Variants in LOXHD1 observed in about 807,000 individuals in gnomAD.
LOXHD1 encodes the protein lipoxygenase homology PLAT domains 1.
In LOXHD1, 205 loss-of-function variants were observed where a neutral mutation model predicts 248.2. That is an observed-to-expected ratio of 0.83 (90% CI 0.74 to 0.93). LOXHD1 has a LOEUF of 0.93. Ranked by LOEUF, LOXHD1 falls within the 40% of genes least tolerant of loss-of-function variation. The pLI, the probability that LOXHD1 is intolerant of heterozygous loss-of-function variation, is 0.00. For missense variants in LOXHD1, 2,930 were observed against 2,971.6 expected (o/e 0.99, Z 0.33); for synonymous variants, 1,113 against 1,162.8 (o/e 0.96, Z 0.87).
At chr18:46,626,516 C>T (rs1436988450) in intron 4 of LOXHD1, among the ~76,000 whole-genome samples, 1 of 151,906 alleles carries the variant, frequency 6.6e-6, no homozygotes, top group African/African-American at 2.4e-5. Flanking sequence ...CCAGCCTGGG[C>T]AACAGAGTGA....
intron 8 of LOXHD1, among the ~76,000 whole-genome samples, chr18:46,599,503 AG>A (rs1300535978): frequency 6.6e-6 from 1 of 152,152 alleles, no homozygotes; most frequent in Admixed American, 6.5e-5. Flanking sequence ...TTTTTAGAAA[AG>A]GATATAGGAG....
chr18:46,628,388 C>A (rs548528362), intron 4 of LOXHD1, among the ~76,000 whole-genome samples: 25 of 152,276 alleles, frequency 1.6e-4, no homozygotes, highest in Admixed American at 4.6e-4. Context: ...ACCCTGGAGT[C>A]CTTGCCCCCA....
At chr18:46,550,322 C>A (rs1319611634) in intron 21 of LOXHD1, among the ~76,000 whole-genome samples, 4 of 152,026 alleles carry the variant, frequency 2.6e-5, no homozygotes, top group Non-Finnish European at 5.9e-5. Flanking sequence ...GCCAGTAATC[C>A]CAGCACTTTG....
chr18:46,622,608 C>G (rs1200951188), intron 4 of LOXHD1, among the ~76,000 whole-genome samples: 1 of 152,182 alleles, frequency 6.6e-6, no homozygotes, highest in East Asian at 1.9e-4. Context: ...TGGTCAGCTG[C>G]TGGCTGCAGG....
chr18:46,541,678 G>A lies in LOXHD1; in HGVS notation c.3913+98C>T. ...AGACCAAAATCTTCAAGGTGGGCCT[G>A]GCCCACAGTCAATCCTGAAGGAAGA... On this transcript the variant is annotated intron_variant, in intron 25 of 40. Transcript: ENST00000642948. 2.9e-6 allele frequency: 4 copies of A among 1,379,802 alleles called. No individual in the cohort carries two copies. The South Asian group carries it at 5.1e-5, about 17-fold the overall frequency. 85.5% of individuals were successfully genotyped at this position (1,379,802 alleles called of 1,614,324 possible).
In LOXHD1 at chr18:46,478,438, A is replaced by G. The variant is rs578017620; in HGVS notation, c.6342-486T>C. On this transcript the variant is annotated intron_variant, in intron 40 of 40. Coordinates refer to ENST00000642948, the MANE Select transcript of LOXHD1 (RefSeq NM_001384474.1). ...TCCTGCTACTTGGGTCCAAGTCACCATCATCTCCTATTTGGAAATTATCAA... is the reference window on the plus strand; with the variant it reads ...TCCTGCTACTTGGGTCCAAGTCACCGTCATCTCCTATTTGGAAATTATCAA... 1.4e-3 allele frequency among the ~76,000 whole-genome samples: 208 copies of G among 152,176 alleles called. 2 individuals carry two copies. Among genetic ancestry groups the G allele is most frequent in the Non-Finnish European group, 1.9e-3 (127 of 68,000 alleles).
chr18:46,491,910 C>A (rs376143928), intron 37 of LOXHD1, among the ~76,000 whole-genome samples: 1 of 152,216 alleles, frequency 6.6e-6, no homozygotes, highest in Non-Finnish European at 1.5e-5. Flanking sequence ...CACTGTGGCC[C>A]CCTTTCCCCC....
intron 35 of LOXHD1, among the ~76,000 whole-genome samples, chr18:46,507,927 G>A (rs1228011636): frequency 6.6e-6 from 1 of 152,180 alleles, no homozygotes; most frequent in Non-Finnish European, 1.5e-5. Context: ...TCCTTACGAG[G>A]ACTGCCCTAG....
intron 20 of LOXHD1, chr18:46,557,810 T>G (rs1365332537): frequency 7.9e-7 from 1 of 1,269,006 alleles, no homozygotes; most frequent in Admixed American, 3.1e-5. Context: ...GGTGGGTGTT[T>G]TGTGTGCAAG....
In LOXHD1 at chr18:46,507,831, C is replaced by T. The variant is rs78990848; in HGVS notation, c.5518-119G>A. The T allele has an allele frequency of 2.7e-3, 3,010 of 1,103,342 alleles. 41 individuals are homozygous for T. Among genetic ancestry groups the T allele is most frequent in the African/African-American group, 0.026 (1,675 of 63,422 alleles). 68.3% of individuals were successfully genotyped at this position (1,103,342 alleles called of 1,614,324 possible). On this transcript the variant is annotated intron_variant, in intron 35 of 40. Coordinates refer to ENST00000642948, the MANE Select transcript of LOXHD1 (RefSeq NM_001384474.1). Reference sequence around the variant, plus strand: ...CTGGAGATCCCAGACCTGAGACAAGCGCTTGCGACTGAGACCCACGGGGTG... The same window carrying T: ...CTGGAGATCCCAGACCTGAGACAAGTGCTTGCGACTGAGACCCACGGGGTG...
chr18:46,557,281 T>C, intron 21 of LOXHD1, 75 bp downstream of exon 21: 1 of 1,537,950 alleles, frequency 6.5e-7, no homozygotes, highest in Non-Finnish European at 8.8e-7. Flanking sequence ...CCAGTCTTCT[T>C]CCAGGACTAC....
intron 6 of LOXHD1, among the ~76,000 whole-genome samples, chr18:46,604,755 A>AG (rs147921000): frequency 0.026 from 4,003 of 152,304 alleles, 67 homozygotes; most frequent in Non-Finnish European, 0.042. Flanking sequence ...TGCCTCCCTC[A>AG]GGGACTCCCA....
At chr18:46,596,627 C>A (rs985056564) in intron 8 of LOXHD1, among the ~76,000 whole-genome samples, 1 of 152,106 alleles carries the variant, frequency 6.6e-6, no homozygotes, top group Non-Finnish European at 1.5e-5. Context: ...TTGCTCCAGA[C>A]AGAAAATAAT....
chr18:46,555,064 A>G (rs732108), intron 21 of LOXHD1: 292,506 of 466,938 alleles, frequency 0.63, 94,541 homozygotes, highest in Non-Finnish European at 0.7. Flanking sequence ...TAAAGCTATA[A>G]TAATGTTTAA....
chr18:46,654,063 G>A (rs187453954), intron 1 of LOXHD1, among the ~76,000 whole-genome samples: 1 of 152,238 alleles, frequency 6.6e-6, no homozygotes, highest in Non-Finnish European at 1.5e-5. Flanking sequence ...AGGTGATTAG[G>A]CCATGAGAGC....
intron 34 of LOXHD1, among the ~76,000 whole-genome samples, chr18:46,515,669 G>A (rs987340226): frequency 6.6e-6 from 1 of 152,164 alleles, no homozygotes; most frequent in African/African-American, 2.4e-5. Flanking sequence ...AGAAAATCCA[G>A]GAATATGGGG....
intron 5 of LOXHD1, among the ~76,000 whole-genome samples, chr18:46,616,126 T>C (rs186601983): frequency 5.4e-4 from 82 of 152,318 alleles, no homozygotes; most frequent in Non-Finnish European, 9.9e-4. Flanking sequence ...TAAAAGAATA[T>C]CCATCTTTTA....
intron 33 of LOXHD1, among the ~76,000 whole-genome samples, chr18:46,519,781 T>A (rs540908256): frequency 1.3e-5 from 2 of 152,316 alleles, no homozygotes; most frequent in African/African-American, 4.8e-5. Context: ...ACATCTCTTT[T>A]TATGTAATAA....
At chr18:46,611,308 T>A (rs529648547) in intron 5 of LOXHD1, among the ~76,000 whole-genome samples, 5 of 152,248 alleles carry the variant, frequency 3.3e-5, no homozygotes, top group African/African-American at 4.8e-5. Flanking sequence ...TCCTTAGACC[T>A]GACTCCTTTT....
Sources: gnomAD v4.1 joint callset for allele counts (sites outside exome capture counted in the v4.1 genomes callset) on GRCh38, gnomAD v4.1.1 for gene constraint, MANE v1.5 for transcripts, NCBI Gene and HGNC (gene_info 2026-07-23, HGNC 2026-07-21) for gene names.